The following NUCB2 variants were observed in gnomAD, a reference collection of about 807,000 sequenced individuals.
NUCB2 encodes nucleobindin 2, also known as nucleobindin-2.
Under a neutral mutation model 57.9 loss-of-function variants are expected in NUCB2, and 48 were observed. That is an observed-to-expected ratio of 0.83 (90% CI 0.66 to 1.05). The LOEUF (loss-of-function observed/expected upper bound fraction) is 1.05, where lower values mean the gene tolerates loss of function less well. Ranked by LOEUF, NUCB2 falls within the 50% of genes least tolerant of loss-of-function variation. The pLI, the probability that NUCB2 is intolerant of heterozygous loss-of-function variation, is 0.00. For synonymous variants in NUCB2, 139 were observed against 152.1 expected (o/e 0.91, Z 0.64); for missense variants, 442 against 476.2 (o/e 0.93, Z 0.67).
rs1205654724 is a variant in NUCB2 at position 17,330,360 on chromosome 11, G to A, written c.1173+63G>A. On this transcript the variant is annotated intron_variant, in intron 12 of 13. Transcript: ENST00000529010. This position sits in a 1 kb window ranked among gnomAD's most constrained non-coding sequence, Gnocchi z 4.3. ...TTTAGGTGCTTTGTTAAAAGCCTGT[G>A]TTTTTGTAACATATTTCATTGTACT... The A allele has an allele frequency of 1.6e-6, 2 of 1,280,972 alleles. No homozygotes were observed. The highest frequency in any genetic ancestry group is 3.0e-5 in the African/African-American group (2 of 66,898). 79.4% of individuals were successfully genotyped at this position (1,280,972 alleles called of 1,614,324 possible). A position where few individuals can be genotyped will look rare whatever the true frequency, so the allele number is the denominator to read the frequency against.
intron 11 of NUCB2, among the ~76,000 whole-genome samples, chr11:17,328,977 T>G (rs991953060): frequency 4.6e-5 from 7 of 152,178 alleles, no homozygotes; most frequent in African/African-American, 1.7e-4. Context: ...CGCTGATTAT[T>G]CAGGGCCCAG....
chr11:17,296,667 A>AG (rs1945871951), intron 4 of NUCB2, among the ~76,000 whole-genome samples: 1 of 152,142 alleles, frequency 6.6e-6, no homozygotes, highest in African/African-American at 2.4e-5. Flanking sequence ...GAGGCATCCT[A>AG]GACAAAGGTG....
intron 11 of NUCB2, among the ~76,000 whole-genome samples, chr11:17,323,905 C>G (rs1472089486): frequency 5.3e-5 from 8 of 152,100 alleles, no homozygotes; most frequent in Non-Finnish European, 1.0e-4. Context: ...TTCTGCAGTA[C>G]CAGTTGTAAT....
At chr11:17,288,331 C>T (rs1170620224) in intron 2 of NUCB2, among the ~76,000 whole-genome samples, 2 of 151,768 alleles carry the variant, frequency 1.3e-5, no homozygotes, top group Non-Finnish European at 2.9e-5. Flanking sequence ...GTCTTAATAT[C>T]GATGGAATCT....
intron 5 of NUCB2, among the ~76,000 whole-genome samples, chr11:17,305,735 C>T (rs1257123434): frequency 2.0e-5 from 3 of 152,048 alleles, no homozygotes; most frequent in Non-Finnish European, 4.4e-5. Context: ...GATTCTCACA[C>T]TTCAGCCTCC....
chr11:17,288,292 AT>A (rs1944134681), intron 2 of NUCB2, among the ~76,000 whole-genome samples: 1 of 152,052 alleles, frequency 6.6e-6, no homozygotes, highest in Admixed American at 6.6e-5. Context: ...AATTGGCAGC[AT>A]TTTTTTCTAT....
chr11:17,349,804 G>A (rs1019510804), exon 3 of NUCB2: 1 of 152,166 alleles, frequency 6.6e-6, no homozygotes. Flanking sequence ...CTGATTACTT[G>A]TTGGATATTT....
Position 17,276,843 on chromosome 11 carries a change from C to T in NUCB2, c.-156+15C>T, listed in dbSNP as rs1046251036. On this transcript the variant is annotated intron_variant, in intron 1 of 13. Coordinates refer to ENST00000529010, the MANE Select transcript of NUCB2 (RefSeq NM_005013.4). ...GACCCGGCCAGGTAAGGCCGGTGGCCGCGCGGTAGGTGCGGAGCAGCGCGG... is the reference window on the plus strand; with the variant it reads ...GACCCGGCCAGGTAAGGCCGGTGGCTGCGCGGTAGGTGCGGAGCAGCGCGG... 6.6e-6 allele frequency: 1 copy of T among 152,164 alleles called. No homozygotes were observed. The highest frequency in any genetic ancestry group is 6.6e-5 in the Admixed American group (1 of 15,266). The allele number at this position is 152,164 out of a possible 1,614,324, so 9.4% of individuals were successfully genotyped here.
chr11:17,348,579 A>G (rs138824316), intron 2 of NUCB2, among the ~76,000 whole-genome samples: 4 of 151,696 alleles, frequency 2.6e-5, no homozygotes, highest in Non-Finnish European at 5.9e-5. Context: ...AGCTCAAGTG[A>G]TCCTCCTGTC....
chr11:17,280,145 G>A (rs1942261278), intron 1 of NUCB2, among the ~76,000 whole-genome samples: 1 of 152,168 alleles, frequency 6.6e-6, no homozygotes, highest in East Asian at 1.9e-4. Context: ...TACAGTATAT[G>A]TAAATAATAA....
chr11:17,328,085 C>T (rs1243574237), intron 11 of NUCB2, among the ~76,000 whole-genome samples: 2 of 152,150 alleles, frequency 1.3e-5, no homozygotes, highest in Admixed American at 1.3e-4. Context: ...GAAAGCTTTC[C>T]AGGTATTCCA....
chr11:17,289,449 A>G (rs921365978), intron 2 of NUCB2, among the ~76,000 whole-genome samples: 6 of 152,184 alleles, frequency 3.9e-5, no homozygotes, highest in Non-Finnish European at 8.8e-5. Flanking sequence ...GCCTTCATGA[A>G]TCACACCAAC....
At chr11:17,339,043 A>G (rs12575367) in intron 2 of NUCB2, among the ~76,000 whole-genome samples, 34,537 of 151,820 alleles carry the variant, frequency 0.23, 4,855 homozygotes, top group East Asian at 0.35. Flanking sequence ...GCTGGAGTGC[A>G]GTGGCGCAAT....
intron 11 of NUCB2, among the ~76,000 whole-genome samples, chr11:17,329,655 G>T (rs1363723508): frequency 6.6e-6 from 1 of 152,218 alleles, no homozygotes; most frequent in Non-Finnish European, 1.5e-5. Flanking sequence ...TGCCACGAGG[G>T]AATGGGAGAG....
Position 17,329,984 on chromosome 11 carries a change from C to G in NUCB2, c.1003-143C>G, listed in dbSNP as rs925565972. The G allele has an allele frequency of 1.8e-4, 73 of 415,428 alleles. 1 individual carries two copies. The Middle Eastern group carries it at 5.8e-3, about 33-fold the overall frequency. 25.7% of individuals were successfully genotyped at this position (415,428 alleles called of 1,614,324 possible). On this transcript the variant is annotated intron_variant, in intron 11 of 13. Coordinates refer to ENST00000529010, the MANE Select transcript of NUCB2 (RefSeq NM_005013.4). ...CAAATGAGTACATAAATATATATTA[C>G]TTATTTCCCCTTCCTTCTTACCTCC...
intron 2 of NUCB2, among the ~76,000 whole-genome samples, chr11:17,285,958 C>G (rs1943673378): frequency 6.6e-6 from 1 of 151,826 alleles, no homozygotes; most frequent in Admixed American, 6.6e-5. Context: ...CACACACACA[C>G]ACACACACAA....
At chr11:17,286,633 GGTC>G in intron 2 of NUCB2, 1 of 152,214 alleles carries the variant, frequency 6.6e-6, no homozygotes, top group African/African-American at 2.4e-5. Flanking sequence ...CTCCTCTTTA[GGTC>G]CGTATCTCTC....
At chr11:17,303,863 C>T (rs1449883485) in intron 5 of NUCB2, among the ~76,000 whole-genome samples, 4 of 138,124 alleles carry the variant, frequency 2.9e-5, no homozygotes, top group Admixed American at 8.0e-5. Flanking sequence ...CCAGCCTGGG[C>T]GACAGAGCGA....
At chr11:17,331,336 A>G (rs1951383465) in intron 13 of NUCB2, 76 bp from the exon 14 acceptor site, 8 of 794,382 alleles carry the variant, frequency 1.0e-5, no homozygotes, top group African/African-American at 1.8e-5. Context: ...TAAAACAAGT[A>G]TATTTGTATA....
Sources: gnomAD v4.1 joint callset for allele counts (sites outside exome capture counted in the v4.1 genomes callset) on GRCh38, gnomAD v4.1.1 for gene constraint, Gnocchi (gnomAD v3.1) non-coding constraint, MANE v1.5 for transcripts, NCBI Gene and HGNC (gene_info 2026-07-23, HGNC 2026-07-21) for gene names.